Variants in NOX4 observed in about 807,000 individuals in gnomAD.
NOX4 encodes kidney oxidase-1.
In NOX4, 69 loss-of-function variants were observed where a neutral mutation model predicts 87.6. The observed-to-expected ratio is 0.79, with a 90% CI of 0.65 to 0.96. The LOEUF is 0.96. Among genes scored for constraint, NOX4 ranks in the 40% least tolerant of loss-of-function variants. The pLI is 0.00. For synonymous variants in NOX4, 275 were observed against 238.2 expected (o/e 1.15, Z -1.42); for missense variants, 680 against 681.5 (o/e 1.00, Z 0.02).
At chr11:89,548,005 G>C in the NOX4 span, 1 of 151,728 alleles carries the variant, frequency 6.6e-6, no homozygotes, top group Non-Finnish European at 1.5e-5. Context: ...AAAGAAAAAA[G>C]AAAAACCTTG....
At chr11:89,458,274 T>A (rs1306617334) in intron 2 of NOX4, among the ~76,000 whole-genome samples, 1 of 152,008 alleles carries the variant, frequency 6.6e-6, no homozygotes, top group Non-Finnish European at 1.5e-5. Context: ...TCAAGATGAA[T>A]GAAAGACTTA....
chr11:89,549,190 A>G, the NOX4 span, among the ~76,000 whole-genome samples: 4 of 152,218 alleles, frequency 2.6e-5, no homozygotes, highest in African/African-American at 7.2e-5. Flanking sequence ...ATTATTTACT[A>G]TCATTTAGCA....
chr11:89,422,054 GTA>G, intron 7 of NOX4, 72 bp from the exon 8 acceptor site: 2 of 794,766 alleles, frequency 2.5e-6, no homozygotes, highest in Non-Finnish European at 4.0e-6. Flanking sequence ...AAAATACCAT[GTA>G]TCATTTCAAA....
At chr11:89,425,784 G>A (rs986924239) in intron 7 of NOX4, among the ~76,000 whole-genome samples, 1 of 151,992 alleles carries the variant, frequency 6.6e-6, no homozygotes, top group Non-Finnish European at 1.5e-5. Flanking sequence ...ATGTATGTGT[G>A]TGCACAAAGG....
At chr11:89,439,672 T>A (rs1345778214) in intron 6 of NOX4, among the ~76,000 whole-genome samples, 1 of 152,098 alleles carries the variant, frequency 6.6e-6, no homozygotes, top group African/African-American at 2.4e-5. Flanking sequence ...GTGCTAAAAA[T>A]TCCCCAAATG....
At chr11:89,449,002 T>C (rs562678723) in intron 4 of NOX4, among the ~76,000 whole-genome samples, 1 of 152,312 alleles carries the variant, frequency 6.6e-6, no homozygotes, top group East Asian at 1.9e-4. Flanking sequence ...ATTACTTACT[T>C]TCAGGAAATA....
At chr11:89,573,178 A>T in the NOX4 span, among the ~76,000 whole-genome samples, 1 of 152,184 alleles carries the variant, frequency 6.6e-6, no homozygotes, top group Non-Finnish European at 1.5e-5. Context: ...TATTTTTTGC[A>T]GTCGGTATTC....
At chr11:89,336,398 C>T (rs1470380741) in intron 16 of NOX4, among the ~76,000 whole-genome samples, 1 of 151,836 alleles carries the variant, frequency 6.6e-6, no homozygotes, top group Non-Finnish European at 1.5e-5. Flanking sequence ...TATTTTGGCA[C>T]CACAAATACA....
intron 2 of NOX4, among the ~76,000 whole-genome samples, chr11:89,475,232 T>A (rs1946115996): frequency 6.6e-6 from 1 of 152,094 alleles, no homozygotes; most frequent in Admixed American, 6.5e-5. Context: ...ATGGTGGTTA[T>A]GTGTGAGTGA....
chr11:89,356,848 CTGTT>C (rs1432193486), intron 12 of NOX4, among the ~76,000 whole-genome samples: 1 of 151,820 alleles, frequency 6.6e-6, no homozygotes, highest in African/African-American at 2.4e-5. Context: ...CTGGAGAAAA[CTGTT>C]TGTTAAGGTT....
chr11:89,450,747 A>G (rs1188189489), intron 3 of NOX4, among the ~76,000 whole-genome samples: 1 of 138,000 alleles, frequency 7.2e-6, no homozygotes, highest in African/African-American at 2.7e-5. Flanking sequence ...CTATTTAATC[A>G]AGACATATTT....
intron 12 of NOX4, among the ~76,000 whole-genome samples, chr11:89,363,776 T>G (rs1160559246): frequency 6.6e-6 from 1 of 152,072 alleles, no homozygotes. Flanking sequence ...TTTGTTTAAA[T>G]CAAGCGAATG....
chr11:89,351,120 A>G (rs530506942), intron 13 of NOX4, among the ~76,000 whole-genome samples: 28 of 152,346 alleles, frequency 1.8e-4, no homozygotes, highest in African/African-American at 6.3e-4. Flanking sequence ...GAACATATGA[A>G]TAATAAGAAA....
At chr11:89,495,384 C>T (rs1039449736), upstream of NOX4, among the ~76,000 whole-genome samples, 7 of 152,186 alleles carry the variant, frequency 4.6e-5, no homozygotes, top group African/African-American at 9.6e-5. Context: ...ATCTCTGCCT[C>T]GGTGGTCACA....
intron 13 of NOX4, among the ~76,000 whole-genome samples, chr11:89,343,302 C>T (rs1402187427): frequency 6.6e-6 from 1 of 152,100 alleles, no homozygotes; most frequent in African/African-American, 2.4e-5. Context: ...ATCAGAAATA[C>T]ATTTTATTAA....
intron 12 of NOX4, among the ~76,000 whole-genome samples, chr11:89,359,593 G>C (rs2134997765): frequency 6.6e-6 from 1 of 152,040 alleles, no homozygotes; most frequent in East Asian, 1.9e-4. Flanking sequence ...ATAACCTAAA[G>C]ATCCTTTGCA....
At chr11:89,575,385 C>A in the NOX4 span, among the ~76,000 whole-genome samples, 2 of 152,084 alleles carry the variant, frequency 1.3e-5, no homozygotes, top group African/African-American at 4.8e-5. Flanking sequence ...TAAGAAACAG[C>A]CTACAGATCT....
chr11:89,360,001 T>G (rs1484884978), intron 12 of NOX4, among the ~76,000 whole-genome samples: 1 of 151,972 alleles, frequency 6.6e-6, no homozygotes, highest in Non-Finnish European at 1.5e-5. Flanking sequence ...TTAAGGGACA[T>G]TAAAGATTAA....
At chr11:89,586,346 A>C in the NOX4 span, among the ~76,000 whole-genome samples, 2 of 152,182 alleles carry the variant, frequency 1.3e-5, no homozygotes, top group Non-Finnish European at 2.9e-5. Context: ...TTTCACATGC[A>C]TTATATAATG....
Sources: allele counts gnomAD v4.1 joint callset (sites outside exome capture counted in the v4.1 genomes callset), GRCh38; gene constraint gnomAD v4.1.1; transcripts MANE v1.5; gene names NCBI Gene and HGNC (gene_info 2026-07-23, HGNC 2026-07-21).